TEX2: variants seen among roughly 807,000 people sequenced by gnomAD.
The protein encoded by TEX2 is testis-expressed protein 2.
Under a neutral mutation model 106.9 loss-of-function variants are expected in TEX2, and 53 were observed. The ratio of observed to expected loss-of-function variants is 0.50; its 90% CI spans 0.40 to 0.62. TEX2 has a LOEUF of 0.62. Among genes scored for constraint, TEX2 ranks in the 20% least tolerant of loss-of-function variants. The probability of loss-of-function intolerance (pLI) is 0.00; values close to 1 mark genes in which losing one functional copy is unlikely to be tolerated. For missense variants in TEX2, 1,207 were observed against 1,379.0 expected, an observed-to-expected ratio of 0.88 and a Z score of 1.98; for synonymous variants, 523 against 534.8, an observed-to-expected ratio of 0.98 and a Z score of 0.30.
At chr17:64,220,590 A>AC (rs34725095) in intron 1 of TEX2, among the ~76,000 whole-genome samples, 122,248 of 152,044 alleles carry the variant, frequency 0.8, 49,367 homozygotes, top group Middle Eastern at 0.89. Flanking sequence ...CAGCAAAAAA[A>AC]ATATGAAAAA....
intron 1 of TEX2, among the ~76,000 whole-genome samples, chr17:64,246,061 C>T (rs970317662): frequency 2.0e-5 from 3 of 152,144 alleles, no homozygotes; most frequent in African/African-American, 7.2e-5. Context: ...AAGAAGTCCT[C>T]AGAAGCAATA....
intron 1 of TEX2, among the ~76,000 whole-genome samples, chr17:64,251,235 T>C (rs1419346195): frequency 2.0e-5 from 3 of 152,184 alleles, no homozygotes; most frequent in Non-Finnish European, 4.4e-5. Context: ...CCTCCCTTAA[T>C]GGTGTTCCCA....
intron 7 of TEX2, among the ~76,000 whole-genome samples, chr17:64,161,762 G>C (rs2030897473): frequency 6.6e-6 from 1 of 151,938 alleles, no homozygotes; most frequent in South Asian, 2.1e-4. Context: ...GTATTTTTCT[G>C]TGATTTTTCA....
intron 2 of TEX2, among the ~76,000 whole-genome samples, chr17:64,197,952 T>TA (rs2032529895): frequency 6.6e-6 from 1 of 152,188 alleles, no homozygotes; most frequent in African/African-American, 2.4e-5. Flanking sequence ...TTCCTTCAGT[T>TA]AAAAATATTT....
intron 2 of TEX2, among the ~76,000 whole-genome samples, chr17:64,196,715 T>TACATTTGGCAAACAG (rs1555629345): frequency 6.6e-6 from 1 of 152,218 alleles, no homozygotes; most frequent in African/African-American, 2.4e-5. Flanking sequence ...AAGTACTTTC[T>TACATTTGGCAAACAG]TTGGCTCACA....
intron 2 of TEX2, among the ~76,000 whole-genome samples, chr17:64,196,318 G>A (rs967930735): frequency 1.3e-5 from 2 of 152,182 alleles, no homozygotes; most frequent in South Asian, 4.1e-4. Flanking sequence ...CCCCACTGTA[G>A]TAAACATAAT....
At chr17:64,198,331 A>G (rs969679846) in intron 2 of TEX2, among the ~76,000 whole-genome samples, 4 of 150,662 alleles carry the variant, frequency 2.7e-5, no homozygotes, top group African/African-American at 9.8e-5. Flanking sequence ...TACCAGGGCT[A>G]AAGTTCTAAA....
chr17:64,172,398 A>G (rs8065394), intron 6 of TEX2, among the ~76,000 whole-genome samples: 118,862 of 145,832 alleles, frequency 0.82, 47,511 homozygotes, highest in Middle Eastern at 0.89. Context: ...TCTCATGCTG[A>G]ACATTTTCTG....
Position 64,195,043 on chromosome 17 carries a change from A to G in TEX2, c.1697T>C (p.Leu566Ser). 6.2e-7 allele frequency: 1 copy of G among 1,614,174 alleles called. No individual in the cohort carries two copies. Among genetic ancestry groups the G allele is most frequent in the Non-Finnish European group, 8.5e-7 (1 of 1,180,008 alleles). The change falls in exon 3 of 12, where the codon TTG (leucine) becomes TCG (serine). Residue 566 changes from leucine to serine, a missense_variant. Leu to Ser is a moderately radical substitution (Grantham distance 145). This residue lies in a region of TEX2 where 1,067 missense variants were observed against 1,193.6 expected (regional missense o/e 0.89). Transcript: ENST00000584379. This position sits in a 1 kb window ranked among gnomAD's most constrained non-coding sequence, Gnocchi z 4.1. ...AAGTCGAACAAAGACTGAATGTGTC[A>G]AAGTCGCATGGTAGGTTTCTGGATC... ...NYDPETYHAT[L>S]THSVFVRLEG...
rs1219911114 is a variant in TEX2, at chr17:64,147,951, A to C, written c.*1018T>G. 1 of 152,644 alleles carries C rather than the reference A, an allele frequency of 6.6e-6. No homozygotes were observed. The highest frequency in any genetic ancestry group is 1.5e-5 in the Non-Finnish European group (1 of 68,036). The allele number at this position is 152,644 out of a possible 1,614,324, so 9.5% of individuals were successfully genotyped here. A position where few individuals can be genotyped will look rare whatever the true frequency, so the allele number is the denominator to read the frequency against. The stretch of plus-strand genomic sequence containing the variant: ...AAACTAAACATTCTGACACAAATGC[A>C]CAAAATTAAGTTGGCAACATTAATT... On this transcript the variant is annotated 3_prime_UTR_variant, in exon 12 of 12. Transcript: ENST00000584379.
chr17:64,188,284 G>C lies in TEX2; in HGVS notation c.2308C>G (p.Gln770Glu). Residue 770 changes from glutamine to glutamate, a missense_variant, in exon 5 of 12, where the codon CAG becomes GAG. Gln to Glu is a conservative substitution (Grantham distance 29). This residue lies in a region of TEX2 where 1,067 missense variants were observed against 1,193.6 expected (regional missense o/e 0.89). Transcript: ENST00000584379. The stretch of plus-strand genomic sequence containing the variant: ...ACGCTGTAGTCGAGAAGCATCTTCT[G>C]CCGCACGCTGCCTGCCAGCTCCTTC... ...KQKELAGSVR[Q>E]KMLLDYSVYM... 1 of 1,614,090 alleles carries C rather than the reference G, an allele frequency of 6.2e-7. No individual in the cohort carries two copies. The highest frequency in any genetic ancestry group is 8.5e-7 in the Non-Finnish European group (1 of 1,180,030).
intron 6 of TEX2, among the ~76,000 whole-genome samples, chr17:64,174,573 T>C (rs2031546486): frequency 6.6e-6 from 1 of 152,170 alleles, no homozygotes; most frequent in Non-Finnish European, 1.5e-5. Context: ...GACAATAAAC[T>C]GTTTTCTTCC....
Position 64,177,488 on chromosome 17 carries a change from G to A in TEX2, c.2425-17C>T, listed in dbSNP as rs1196641665. On this transcript the variant is annotated splice_polypyrimidine_tract_variant and intron_variant, in intron 5 of 11. Transcript: ENST00000584379. ...CTCTGGCAACTGGCAAAAGAAAAGG[G>A]ACCAAAATTAGCTAGAAAGCAACTG... The A allele has an allele frequency of 6.2e-7, 1 of 1,609,346 alleles. No individual in the cohort carries two copies. Among genetic ancestry groups the A allele is most frequent in the Non-Finnish European group, 8.5e-7 (1 of 1,178,776 alleles).
intron 11 of TEX2, chr17:64,150,616 T>C (rs1354841436): frequency 3.2e-6 from 1 of 314,080 alleles, no homozygotes; most frequent in African/African-American, 2.2e-5. Context: ...ATCTTTTGGG[T>C]TTCCTCTGAA....
chr17:64,228,911 T>C (rs887518883), intron 1 of TEX2, among the ~76,000 whole-genome samples: 82 of 146,180 alleles, frequency 5.6e-4, no homozygotes, highest in African/African-American at 2.0e-3. Context: ...CTATGGCCTA[T>C]ACCTATGGAC....
chr17:64,149,920 A>AC (rs1417409177), intron 11 of TEX2: 3 of 146,742 alleles, frequency 2.0e-5, no homozygotes, highest in African/African-American at 7.7e-5. Flanking sequence ...TCTGTCTTAA[A>AC]AAAAAAAAAA....
chr17:64,193,464 C>CTTGCTTCG, intron 4 of TEX2, 95 bp downstream of exon 4: 2 of 505,494 alleles, frequency 4.0e-6, no homozygotes, highest in Non-Finnish European at 5.6e-6. Flanking sequence ...TCAGGGTGGG[C>CTTGCTTCG]TTCCTTCCTT....
chr17:64,181,339 G>A (rs1380532081), intron 5 of TEX2, among the ~76,000 whole-genome samples: 1 of 151,944 alleles, frequency 6.6e-6, no homozygotes, highest in African/African-American at 2.4e-5. Flanking sequence ...AGCTGGGTGT[G>A]GTGGTGCGTG....
chr17:64,224,779 G>A (rs1326282036), intron 1 of TEX2, among the ~76,000 whole-genome samples: 4 of 152,102 alleles, frequency 2.6e-5, no homozygotes, highest in Admixed American at 6.5e-5. Context: ...CCAGAGGAAA[G>A]GGGGGTTCGA....
Sources: gnomAD v4.1 joint callset for allele counts (sites outside exome capture counted in the v4.1 genomes callset) on GRCh38, gnomAD v4.1.1 for gene constraint, gnomAD v4.1.1 regional missense constraint, Gnocchi (gnomAD v3.1) non-coding constraint, MANE v1.5 for transcripts, NCBI Gene and HGNC (gene_info 2026-07-23, HGNC 2026-07-21) for gene names.